Variants in BTBD7 observed in about 807,000 individuals in gnomAD.
BTBD7 encodes the protein BTB domain containing 7.
A neutral mutation model predicts 99.9 loss-of-function variants in BTBD7; 38 were observed. The ratio of observed to expected loss-of-function variants is 0.38; its 90% CI spans 0.29 to 0.50. BTBD7 has a LOEUF of 0.50. Among genes scored for constraint, BTBD7 ranks in the 20% least tolerant of loss-of-function variants. The pLI is 0.93. For synonymous variants in BTBD7, 520 were observed against 511.4 expected (o/e 1.02, Z -0.23); for missense variants, 1,170 against 1,394.6 (o/e 0.84, Z 2.57).
intron 6 of BTBD7, chr14:93,255,542 T>G (rs1025264315): frequency 1.3e-5 from 2 of 148,514 alleles, no homozygotes; most frequent in Non-Finnish European, 2.9e-5. Flanking sequence ...AGAGTCTTGC[T>G]CTGTCACCAA....
intron 10 of BTBD7, among the ~76,000 whole-genome samples, chr14:93,244,717 G>C (rs1322777824): frequency 2.6e-5 from 4 of 152,046 alleles, no homozygotes; most frequent in Non-Finnish European, 5.9e-5. Context: ...GAAAAGTTGA[G>C]AAAGGATCAT....
At position 93,238,740 on chromosome 14, in the gene BTBD7, C is replaced by T. The variant is rs2052188296; in HGVS notation, c.*3533G>A. The T allele has an allele frequency of 6.6e-6, 1 of 152,178 alleles. No homozygotes were observed. Among genetic ancestry groups the T allele is most frequent in the Non-Finnish European group, 1.5e-5 (1 of 68,040 alleles). The allele number at this position is 152,178 out of a possible 1,614,324, so 9.4% of individuals were successfully genotyped here. ...ATCCTTTCAACTCTAGAGAATGATG[C>T]ATGGAGGTCGGCTTTGAGCCCCACT... On this transcript the variant is annotated 3_prime_UTR_variant, in exon 11 of 11. Transcript: ENST00000334746.
intron 1 of BTBD7, among the ~76,000 whole-genome samples, chr14:93,316,376 G>A (rs114941937): frequency 0.011 from 1,739 of 151,750 alleles, 32 homozygotes; most frequent in African/African-American, 0.038. Flanking sequence ...TGATCCTCCC[G>A]AATAACTGGG....
chr14:93,279,481 G>C (rs530944027), intron 3 of BTBD7, among the ~76,000 whole-genome samples: 1 of 152,140 alleles, frequency 6.6e-6, no homozygotes, highest in Non-Finnish European at 1.5e-5. Flanking sequence ...TACTCCCCCA[G>C]CACCCAGTGT....
chr14:93,246,859 T>C (rs2139678073), intron 9 of BTBD7, among the ~76,000 whole-genome samples: 1 of 101,808 alleles, frequency 9.8e-6, no homozygotes, highest in East Asian at 4.6e-4. Flanking sequence ...AACCAGACTA[T>C]ATATTTTAAG....
chr14:93,321,506 T>A (rs1595342818), intron 1 of BTBD7, among the ~76,000 whole-genome samples: 1 of 152,262 alleles, frequency 6.6e-6, no homozygotes, highest in Admixed American at 6.5e-5. Context: ...GGCAGGAGAA[T>A]CGCTTGAACC....
intron 1 of BTBD7, among the ~76,000 whole-genome samples, chr14:93,330,714 C>T (rs1279098730): frequency 6.6e-6 from 1 of 152,198 alleles, no homozygotes; most frequent in African/African-American, 2.4e-5. Context: ...TCAACAGTCA[C>T]CTATGTAATT....
chr14:93,295,320 C>A lies in BTBD7; in HGVS notation c.83-383G>T, dbSNP rs571272993. On this transcript the variant is annotated intron_variant, in intron 2 of 10. Transcript: ENST00000334746. ...TCTTTTTTTGGTAGAGATAGGGTCT[C>A]ACTAATGTTGCTCAGGCTGGTCTTG... Among the ~76,000 whole-genome samples, 4 of 152,146 alleles carry A rather than the reference C, an allele frequency of 2.6e-5. No individual in the cohort carries two copies. The East Asian group carries it at 7.7e-4, about 29-fold the overall frequency.
intron 1 of BTBD7, among the ~76,000 whole-genome samples, chr14:93,300,319 G>A (rs529801988): frequency 1.3e-5 from 2 of 149,010 alleles, no homozygotes; most frequent in South Asian, 2.1e-4. Flanking sequence ...GTGCAGTGGC[G>A]TGATCTCAGC....
chr14:93,257,671 C>T (rs2052445304), intron 5 of BTBD7, among the ~76,000 whole-genome samples: 1 of 152,130 alleles, frequency 6.6e-6, no homozygotes. Context: ...TTATCAAGGG[C>T]TTTTTAAAAA....
intron 1 of BTBD7, among the ~76,000 whole-genome samples, chr14:93,308,785 A>G (rs1022139794): frequency 6.6e-6 from 1 of 152,238 alleles, no homozygotes; most frequent in Admixed American, 6.5e-5. Context: ...TATATGAAGT[A>G]CTTAGAGTAA....
intron 1 of BTBD7, among the ~76,000 whole-genome samples, chr14:93,329,663 G>A (rs977723980): frequency 1.7e-4 from 26 of 152,196 alleles, no homozygotes; most frequent in Non-Finnish European, 5.9e-5. Flanking sequence ...GGACCTTGAT[G>A]ACATTATACT....
rs537476569 is a variant in BTBD7 at position 93,290,300 on chromosome 14, C to T, written c.1162+3558G>A. On this transcript the variant is annotated intron_variant, in intron 3 of 10. Transcript: ENST00000334746. ...CGATCTCAGCTCACTGCAAGCTTCG[C>T]CTCCTGGGTTCACGCCATTCTCCTG... is the stretch of plus-strand genomic sequence containing the variant. Among the ~76,000 whole-genome samples, 13 of 150,570 alleles carry T rather than the reference C, an allele frequency of 8.6e-5. 1 individual carries two copies. Among genetic ancestry groups the T allele is most frequent in the African/African-American group, 2.9e-4 (12 of 40,972 alleles).
chr14:93,276,392 T>A (rs2052656375), intron 3 of BTBD7, among the ~76,000 whole-genome samples: 1 of 152,018 alleles, frequency 6.6e-6, no homozygotes, highest in Non-Finnish European at 1.5e-5. Context: ...GTAACACTGG[T>A]TGCCTCTGTC....
At chr14:93,308,143 C>T (rs566669803) in intron 1 of BTBD7, among the ~76,000 whole-genome samples, 3 of 151,864 alleles carry the variant, frequency 2.0e-5, no homozygotes, top group Non-Finnish European at 2.9e-5. Flanking sequence ...ATATATTAGC[C>T]GGGTGTGGTG....
intron 3 of BTBD7, among the ~76,000 whole-genome samples, chr14:93,291,961 T>C (rs2139763389): frequency 6.6e-6 from 1 of 152,104 alleles, no homozygotes; most frequent in Non-Finnish European, 1.5e-5. Context: ...CCGAGGCAGG[T>C]GGATCACCTG....
chr14:93,305,582 G>A (rs931172753), intron 1 of BTBD7, among the ~76,000 whole-genome samples: 3 of 152,142 alleles, frequency 2.0e-5, no homozygotes, highest in Non-Finnish European at 4.4e-5. Flanking sequence ...TGCTTGTTCT[G>A]TGCTACCCAC....
chr14:93,303,833 C>T (rs1374281900), intron 1 of BTBD7, among the ~76,000 whole-genome samples: 1 of 152,192 alleles, frequency 6.6e-6, no homozygotes, highest in Non-Finnish European at 1.5e-5. Flanking sequence ...GAAACGGCCT[C>T]CCCACCCCCC....
At chr14:93,312,762 T>C (rs1456261583) in intron 1 of BTBD7, among the ~76,000 whole-genome samples, 1 of 152,160 alleles carries the variant, frequency 6.6e-6, no homozygotes, top group Non-Finnish European at 1.5e-5. Flanking sequence ...GCAGTTGTGG[T>C]TCTTCTGCCC....
Sources: gnomAD v4.1 joint callset for allele counts (sites outside exome capture counted in the v4.1 genomes callset) on GRCh38, gnomAD v4.1.1 for gene constraint, MANE v1.5 for transcripts, NCBI Gene and HGNC (gene_info 2026-07-23, HGNC 2026-07-21) for gene names.